Variants in SPG11 observed in about 807,000 individuals in gnomAD.
SPG11 encodes the protein SPG11 vesicle trafficking associated, spatacsin, also known as spatacsin.
SPG11 carries 222 observed loss-of-function variants against 274.0 expected under a neutral mutation model. That is an observed-to-expected ratio of 0.81 (90% CI 0.73 to 0.91). SPG11 has a LOEUF of 0.91. SPG11 is among the 40% of genes least tolerant of loss of function. The probability of loss-of-function intolerance (pLI) is 0.00; values close to 1 mark genes in which losing one functional copy is unlikely to be tolerated. For missense variants in SPG11, 3,114 were observed against 2,872.7 expected, an observed-to-expected ratio of 1.08 and a Z score of -1.92; for synonymous variants, 1,144 against 1,039.7, an observed-to-expected ratio of 1.10 and a Z score of -1.93.
chr15:44,601,793 G>A (rs146767719), intron 20 of SPG11, among the ~76,000 whole-genome samples: 1,728 of 151,998 alleles, frequency 0.011, 47 homozygotes, highest in East Asian at 0.097. Flanking sequence ...TCCTGGCCTC[G>A]GGTGATCTGC....
intron 1 of SPG11, among the ~76,000 whole-genome samples, chr15:44,661,831 T>C (rs1037113494): frequency 1.3e-5 from 2 of 152,202 alleles, no homozygotes; most frequent in Admixed American, 1.3e-4. Context: ...CCTATGTACT[T>C]TGAAAAAGTA....
chr15:44,566,185 C>T lies in SPG11; in HGVS notation c.6843+32G>A, dbSNP rs368001218. ...TAATTTTACTGCAGACAGCAAGTCCCAAGGCCAGTCTGAAAAAAGCCTTTG... is the reference window on the plus strand; with the variant it reads ...TAATTTTACTGCAGACAGCAAGTCCTAAGGCCAGTCTGAAAAAAGCCTTTG... On this transcript the variant is annotated intron_variant, in intron 37 of 39. Coordinates refer to ENST00000261866, the MANE Select transcript of SPG11 (RefSeq NM_025137.4). 3 of 1,611,608 alleles carry T rather than the reference C, an allele frequency of 1.9e-6. No homozygotes were observed. The African/African-American group carries it at 4.0e-5, about 22-fold the overall frequency.
At chr15:44,639,331 C>T (rs980842133) in intron 7 of SPG11, among the ~76,000 whole-genome samples, 2 of 151,354 alleles carry the variant, frequency 1.3e-5, no homozygotes, top group Non-Finnish European at 2.9e-5. Context: ...AGAGAGAGAG[C>T]GTGTGTGCTC....
In SPG11 at chr15:44,563,291, G is replaced by GTTGT. The variant is rs1567123492; in HGVS notation, c.7158_7161dup (p.His2388ThrfsTer6). On this transcript the variant is annotated frameshift_variant, in exon 40 of 40. Transcript: ENST00000261866. LOFTEE classifies it high-confidence loss of function. ...TCCATGACCATGTCAGTAGGCTGAT[G>GTTGT]TTGTTTATATCTAGATAAAGAAACA... The GTTGT allele has an allele frequency of 1.4e-5, 22 of 1,612,584 alleles. No individual in the cohort carries two copies. Among genetic ancestry groups the GTTGT allele is most frequent in the Non-Finnish European group, 1.9e-5 (22 of 1,179,006 alleles).
At chr15:44,632,520 T>A (rs1218921393) in intron 8 of SPG11, among the ~76,000 whole-genome samples, 2 of 151,320 alleles carry the variant, frequency 1.3e-5, no homozygotes, top group Non-Finnish European at 3.0e-5. Flanking sequence ...TGGGTGAATT[T>A]TTTTTTTTTT....
chr15:44,635,649 G>GCTCACT (rs2084223992), intron 7 of SPG11, among the ~76,000 whole-genome samples: 1 of 150,724 alleles, frequency 6.6e-6, no homozygotes, highest in Non-Finnish European at 1.5e-5. Context: ...GGGTATGGTG[G>GCTCACT]CTCACTCCCA....
At chr15:44,585,319 G>A (rs2082733435) in intron 29 of SPG11, among the ~76,000 whole-genome samples, 1 of 151,784 alleles carries the variant, frequency 6.6e-6, no homozygotes, top group East Asian at 1.9e-4. Context: ...GCTGGGCGTG[G>A]TGGCTCACGC....
intron 12 of SPG11, 122 bp from the exon 13 acceptor site, chr15:44,622,469 G>T: frequency 2.3e-6 from 2 of 851,778 alleles, no homozygotes; most frequent in Non-Finnish European, 3.6e-6. Context: ...AAAGTCATGA[G>T]ATAATATGCC....
intron 30 of SPG11, among the ~76,000 whole-genome samples, chr15:44,578,206 T>C (rs1191654135): frequency 2.0e-5 from 3 of 149,184 alleles, no homozygotes; most frequent in African/African-American, 5.0e-5. Flanking sequence ...TTTTTTTTTT[T>C]TGTATTTTTA....
chr15:44,651,889 T>A lies in SPG11; in HGVS notation c.1058A>T (p.Lys353Ile). ...SSLNETIKNS[K>I]LEVSCCAPWF... is the part of the protein sequence containing the mutation. Reference sequence around the variant, plus strand: ...TGGAGCACAACAGGAAACCTCCAGTTTGGAGTTCTTTATTGTTTCATTCAA... The same window carrying A: ...TGGAGCACAACAGGAAACCTCCAGTATGGAGTTCTTTATTGTTTCATTCAA... Residue 353 changes from lysine (K) to isoleucine (I), a missense_variant, in exon 6 of 40, where the codon AAA (lysine) becomes ATA (isoleucine). By Grantham distance (102) the Lys-to-Ile change is moderately radical (BLOSUM62 -3). Coordinates refer to ENST00000261866, the MANE Select transcript of SPG11 (RefSeq NM_025137.4). The A allele has an allele frequency of 6.2e-7, 1 of 1,613,062 alleles. No individual in the cohort carries two copies. Among genetic ancestry groups the A allele is most frequent in the Non-Finnish European group, 8.5e-7 (1 of 1,179,630 alleles).
Position 44,663,444 on chromosome 15 carries a change from C to CAA in SPG11, c.202_203dup (p.Leu68PhefsTer2), listed in dbSNP as rs773773579. On this transcript the variant is annotated frameshift_variant, in exon 1 of 40. Coordinates refer to ENST00000261866, the MANE Select transcript of SPG11 (RefSeq NM_025137.4). LOFTEE classifies it high-confidence loss of function. Reference sequence around the variant, plus strand: ...GACCCCCGCCCCGGCTGCCAGGCGTCAAAGAAAGCACTTGGAGGCTGCCCG... The same window carrying CAA: ...GACCCCCGCCCCGGCTGCCAGGCGTCAAAAAGAAAGCACTTGGAGGCTGCCCG... 5.6e-6 allele frequency: 9 copies of CAA among 1,602,538 alleles called. No homozygotes were observed. The Admixed American group carries it at 1.5e-4, about 27-fold the overall frequency.
In SPG11 at chr15:44,605,959, AC is replaced by A. The variant is rs1440895345; in HGVS notation, c.3520+65del. On this transcript the variant is annotated intron_variant, in intron 20 of 39. Transcript: ENST00000261866. ...TCAATGAGAAAACTAGATTGGCATT[AC>A]ATGTATTAACTTCTGTAGTTAACAC... The A allele has an allele frequency of 2.3e-6, 3 of 1,285,562 alleles. No homozygotes were observed. In the African/African-American group the frequency reaches 4.4e-5, roughly 19 times the overall value. 79.6% of individuals were successfully genotyped at this position (1,285,562 alleles called of 1,614,324 possible).
chr15:44,563,663 T>C (rs2140909247), intron 39 of SPG11, among the ~76,000 whole-genome samples: 1 of 150,212 alleles, frequency 6.7e-6, no homozygotes, highest in East Asian at 2.0e-4. Context: ...AAATAAAAGA[T>C]GGAGGTCTCA....
At chr15:44,639,841 T>G (rs1312073306) in intron 7 of SPG11, among the ~76,000 whole-genome samples, 2 of 152,202 alleles carry the variant, frequency 1.3e-5, no homozygotes, top group Non-Finnish European at 2.9e-5. Context: ...TTAACAAATT[T>G]GCTGGATATA....
chr15:44,644,568 A>C (rs2084551349), intron 7 of SPG11, among the ~76,000 whole-genome samples: 1 of 152,190 alleles, frequency 6.6e-6, no homozygotes, highest in Admixed American at 6.6e-5. Flanking sequence ...TGGATGTCCT[A>C]ACCAGAAAAA....
chr15:44,583,791 G>A (rs544876097), intron 30 of SPG11, 23 bp downstream of exon 30: 4 of 1,614,026 alleles, frequency 2.5e-6, no homozygotes, highest in East Asian at 2.2e-5. Context: ...AAGACTCTGG[G>A]CCATCTGATC....
Position 44,595,412 on chromosome 15 carries a change from C to T in SPG11, c.4482G>A (p.Val1494=). ...TTGCTTCAGTTGCAACATTGTCCTC[C>T]ACAGAAGTGATGATCCAAACACAGA... is the stretch of plus-strand genomic sequence containing the variant. ...SCLCVWIITS[V]EDNVATEAMG... Residue 1494 remains valine, a synonymous_variant, in exon 26 of 40, where the codon GTG becomes GTA. Coordinates refer to ENST00000261866, the MANE Select transcript of SPG11 (RefSeq NM_025137.4). 2 of 1,614,178 alleles carry T rather than the reference C, an allele frequency of 1.2e-6. No individual in the cohort carries two copies. The highest frequency in any genetic ancestry group is 1.7e-6 in the Non-Finnish European group (2 of 1,180,036).
chr15:44,606,698 A>G (rs1005202535), intron 19 of SPG11, among the ~76,000 whole-genome samples: 3 of 152,228 alleles, frequency 2.0e-5, no homozygotes, highest in African/African-American at 7.2e-5. Context: ...GGAAAAAAAC[A>G]GAACAAAAAA....
Position 44,565,946 on chromosome 15 carries a change from G to C in SPG11, c.6907C>G (p.His2303Asp), listed in dbSNP as rs777915558. 15 of 1,613,924 alleles carry C rather than the reference G, an allele frequency of 9.3e-6. No homozygotes were observed. Among genetic ancestry groups the C allele is most frequent in the African/African-American group, 1.3e-5 (1 of 74,918 alleles). Residue 2303 changes from histidine to aspartate, a missense_variant, in exon 38 of 40, where the codon CAC becomes GAC. His to Asp is a moderately conservative substitution (Grantham distance 81). Coordinates refer to ENST00000261866, the MANE Select transcript of SPG11 (RefSeq NM_025137.4). ...RLTKLITLQI[H>D]FLNTGQNTML... ...GTGTTCTGGCCAGTGTTCAGAAAGT[G>C]AATCTGCAGAGTTATCAACTTGGTG... is the stretch of plus-strand genomic sequence containing the variant.
Sources: allele counts gnomAD v4.1 joint callset (sites outside exome capture counted in the v4.1 genomes callset), GRCh38; gene constraint gnomAD v4.1.1; transcripts MANE v1.5; gene names NCBI Gene and HGNC (gene_info 2026-07-23, HGNC 2026-07-21).